Variants in ATXN7L1 observed in about 807,000 individuals in gnomAD.
The protein encoded by ATXN7L1 is ataxin-7-like protein 1.
A neutral mutation model predicts 70.8 loss-of-function variants in ATXN7L1; 15 were observed. The ratio of observed to expected loss-of-function variants is 0.21; its 90% CI spans 0.14 to 0.33. ATXN7L1 has a LOEUF of 0.33. ATXN7L1 is among the 10% of genes least tolerant of loss of function. ATXN7L1 has a pLI of 1.00. For missense variants in ATXN7L1, 975 were observed against 1,097.1 expected (o/e 0.89, Z 1.57); for synonymous variants, 440 against 445.1 (o/e 0.99, Z 0.14).
chr7:105,675,615 C>T lies in ATXN7L1; in HGVS notation c.356-10327G>A, dbSNP rs112636827. 8.1e-3 allele frequency among the ~76,000 whole-genome samples: 1,224 copies of T among 151,320 alleles called. 34 individuals are homozygous for T. The highest frequency in any genetic ancestry group is 0.045 in the Admixed American group (689 of 15,224). On this transcript the variant is annotated intron_variant, in intron 3 of 11. Transcript: ENST00000419735. ...ACTCTAGCCTGGTGACAGAATGAGACCCCATCTCAAAAAAAAGAAAAAAAA... is the reference window on the plus strand; with the variant it reads ...ACTCTAGCCTGGTGACAGAATGAGATCCCATCTCAAAAAAAAGAAAAAAAA...
chr7:105,638,368 T>G lies in ATXN7L1; in HGVS notation c.1187A>C (p.Asn396Thr), dbSNP rs1482945303. The G allele has an allele frequency of 1.9e-6, 3 of 1,551,540 alleles. No individual in the cohort carries two copies. The stretch of plus-strand genomic sequence containing the variant: ...TGGTACTTACCTAGGAAGTACAGAG[T>G]TGGGTGGTCTGGATTTTGCAGGGGA... Reference protein sequence around the residue: ...VASPAKSRPPNSVLPRPSSAN... With the variant: ...VASPAKSRPPTSVLPRPSSAN... Residue 396 changes from asparagine (N) to threonine (T), a missense_variant, in exon 7 of 12, where the codon AAC becomes ACC. Asn to Thr is a moderately conservative substitution (Grantham distance 65). This residue lies in a region of ATXN7L1 where 635 missense variants were observed against 699.4 expected (regional missense o/e 0.91). Coordinates refer to ENST00000419735, the MANE Select transcript of ATXN7L1 (RefSeq NM_020725.2).
intron 2 of ATXN7L1, among the ~76,000 whole-genome samples, chr7:105,849,434 C>A (rs1814555982): frequency 6.6e-6 from 1 of 152,226 alleles, no homozygotes; most frequent in African/African-American, 2.4e-5. Context: ...TGAATCTCCA[C>A]CCAAACACCA....
intron 1 of ATXN7L1, 104 bp downstream of exon 1, chr7:105,876,274 C>T (rs1323977407): frequency 7.3e-7 from 1 of 1,363,336 alleles, no homozygotes; most frequent in Non-Finnish European, 9.8e-7. Flanking sequence ...TGGAGGACAC[C>T]GGGGGCCACT....
intron 3 of ATXN7L1, among the ~76,000 whole-genome samples, chr7:105,676,499 G>C (rs559893997): frequency 6.6e-6 from 1 of 152,142 alleles, no homozygotes; most frequent in Non-Finnish European, 1.5e-5. Context: ...CAGACCCCAG[G>C]ATCTTGGGGA....
At chr7:105,622,139 T>C (rs903810150) in intron 8 of ATXN7L1, among the ~76,000 whole-genome samples, 2 of 152,178 alleles carry the variant, frequency 1.3e-5, no homozygotes, top group South Asian at 2.1e-4. Flanking sequence ...AATGATTTAA[T>C]GTATCAACTG....
chr7:105,724,982 T>C (rs1795638700), intron 3 of ATXN7L1, among the ~76,000 whole-genome samples: 2 of 152,018 alleles, frequency 1.3e-5, no homozygotes, highest in Admixed American at 1.3e-4. Context: ...CATGTATCAC[T>C]ATGCCTGGCT....
chr7:105,751,069 A>G (rs1015203430), intron 3 of ATXN7L1, among the ~76,000 whole-genome samples: 8 of 152,058 alleles, frequency 5.3e-5, no homozygotes, highest in Admixed American at 3.3e-4. Context: ...CTACTCCCCA[A>G]TTGCTGAACA....
chr7:105,819,436 T>G, intron 2 of ATXN7L1: 1 of 621,850 alleles, frequency 1.6e-6, no homozygotes, highest in Non-Finnish European at 2.9e-6. Context: ...TTAACTTGTA[T>G]TTGGGATTTA....
intron 3 of ATXN7L1, among the ~76,000 whole-genome samples, chr7:105,770,105 T>C (rs907980067): frequency 1.3e-5 from 2 of 152,202 alleles, no homozygotes; most frequent in African/African-American, 4.8e-5. Flanking sequence ...AGCAGGGAGA[T>C]GACATTTTGG....
intron 3 of ATXN7L1, among the ~76,000 whole-genome samples, chr7:105,713,862 C>T (rs969031709): frequency 6.6e-6 from 1 of 152,232 alleles, no homozygotes; most frequent in Non-Finnish European, 1.5e-5. Flanking sequence ...CCCATTAGCC[C>T]TTCTGCCCAG....
At chr7:105,660,458 GA>G (rs1801411621) in intron 4 of ATXN7L1, among the ~76,000 whole-genome samples, 1 of 88,800 alleles carries the variant, frequency 1.1e-5, no homozygotes, top group Non-Finnish European at 2.3e-5. Flanking sequence ...CTCTTAGATA[GA>G]ATTTTTTTTT....
chr7:105,736,726 G>A (rs1245871552), intron 3 of ATXN7L1, among the ~76,000 whole-genome samples: 2 of 152,170 alleles, frequency 1.3e-5, no homozygotes, highest in African/African-American at 4.8e-5. Flanking sequence ...ACATATTTAC[G>A]GACCAGCTCT....
Position 105,610,552 on chromosome 7 carries a change from A to C in ATXN7L1, c.2524T>G (p.Ser842Ala), listed in dbSNP as rs1470403757. The C allele has an allele frequency of 6.5e-7, 1 of 1,547,034 alleles. No individual in the cohort carries two copies. Among genetic ancestry groups the C allele is most frequent in the Admixed American group, 2.0e-5 (1 of 50,552 alleles). The change falls in exon 11 of 12, where the codon TCC becomes GCC. Residue 842 changes from serine (S) to alanine (A), a missense_variant. Ser to Ala is a moderately conservative substitution (Grantham distance 99, BLOSUM62 1). Around this residue, in one of 5 missense-constraint regions of ATXN7L1, gnomAD observed 635 missense variants for 699.4 expected, o/e 0.91. Transcript: ENST00000419735. ...ACCTGTCGGCTGTGTCCTGGGCTGG[A>C]TATACTTGAAGGACTGGATTGTGAC... is the stretch of plus-strand genomic sequence containing the variant. Reference protein sequence around the residue: ...ALSQSSPSSISSPGHSRQNTN... With the variant: ...ALSQSSPSSIASPGHSRQNTN...
At chr7:105,717,553 T>C (rs1311913422) in intron 3 of ATXN7L1, among the ~76,000 whole-genome samples, 1 of 152,234 alleles carries the variant, frequency 6.6e-6, no homozygotes, top group African/African-American at 2.4e-5. Flanking sequence ...GGCATGCTTG[T>C]ACGCAATTTG....
intron 2 of ATXN7L1, among the ~76,000 whole-genome samples, chr7:105,822,867 T>C (rs992614354): frequency 2.0e-5 from 3 of 152,238 alleles, no homozygotes; most frequent in South Asian, 2.1e-4. Context: ...CTAATTCTAG[T>C]TATTTTTAGC....
intron 2 of ATXN7L1, among the ~76,000 whole-genome samples, chr7:105,861,026 G>A (rs1468123147): frequency 6.6e-6 from 1 of 152,158 alleles, no homozygotes. Context: ...GGGGTGGCCC[G>A]AGCGGCAGGG....
rs565074102 is a variant in ATXN7L1 at position 105,757,212 on chromosome 7, A to T, written c.355+31392T>A. ...AGGGATTGTATTTTTGAAAAAAAAA[A>T]TCAGGTTTGTGAGGCCTCCTCTCTG... On this transcript the variant is annotated intron_variant, in intron 3 of 11. Transcript: ENST00000419735. Among the ~76,000 whole-genome samples the T allele has an allele frequency of 1.1e-4, 16 of 141,970 alleles. No homozygotes were observed. The South Asian group carries it at 2.7e-3, about 24-fold the overall frequency. The allele number at this position is 141,970 out of a possible 152,430, so 93.1% of individuals were successfully genotyped here. A position where few individuals can be genotyped will look rare whatever the true frequency, so the allele number is the denominator to read the frequency against.
rs111285767 is a variant in ATXN7L1 at position 105,724,709 on chromosome 7, T to C, written c.356-59421A>G. 5.0e-3 allele frequency among the ~76,000 whole-genome samples: 754 copies of C among 151,990 alleles called. 6 individuals are homozygous for C. The highest frequency in any genetic ancestry group is 0.017 in the African/African-American group (687 of 41,474). Reference sequence around the variant, plus strand: ...CTCTCCTCACTTCTGTTGTCACCAGTGATCTTCACTGTTCTTGGGATTGTG... The same window carrying C: ...CTCTCCTCACTTCTGTTGTCACCAGCGATCTTCACTGTTCTTGGGATTGTG... On this transcript the variant is annotated intron_variant, in intron 3 of 11. Coordinates refer to ENST00000419735, the MANE Select transcript of ATXN7L1 (RefSeq NM_020725.2).
intron 3 of ATXN7L1, among the ~76,000 whole-genome samples, chr7:105,727,746 G>GTATATGTATATATATATATATATATA (rs1554442462): frequency 1.8e-5 from 1 of 55,356 alleles, no homozygotes; most frequent in African/African-American, 9.8e-5. Context: ...GTGTATGTGT[G>GTATATGTATATATATATATATATATA]TATATATATA....
Sources: gnomAD v4.1 joint callset for allele counts (sites outside exome capture counted in the v4.1 genomes callset) on GRCh38, gnomAD v4.1.1 for gene constraint, gnomAD v4.1.1 regional missense constraint, MANE v1.5 for transcripts, NCBI Gene and HGNC (gene_info 2026-07-23, HGNC 2026-07-21) for gene names.